Variants in PDZD7 observed in about 807,000 individuals in gnomAD.
PDZD7 encodes the protein PDZ domain-containing protein 7.
PDZD7 carries 72 observed loss-of-function variants against 84.7 expected under a neutral mutation model. The ratio of observed to expected loss-of-function variants is 0.85; its 90% confidence interval spans 0.70 to 1.03. The LOEUF (loss-of-function observed/expected upper bound fraction) is 1.03. PDZD7 is among the 50% of genes least tolerant of loss of function. The pLI is 0.00. For missense variants in PDZD7, 1,490 were observed against 1,412.9 expected (o/e 1.05, Z -0.87); for synonymous variants, 594 against 580.7 (o/e 1.02, Z -0.33).
intron 15 of PDZD7, among the ~76,000 whole-genome samples, chr10:101,009,597 GTC>G (rs1852322398): frequency 8.7e-6 from 1 of 114,916 alleles, no homozygotes; most frequent in Non-Finnish European, 1.8e-5. Flanking sequence ...TTGAGACAGA[GTC>G]TTTTTTTTTT....
Position 101,008,846 on chromosome 10 carries a change from C to T in PDZD7, c.2723G>A (p.Gly908Asp). The T allele has an allele frequency of 6.7e-7, 1 of 1,494,822 alleles. No individual in the cohort carries two copies. Among genetic ancestry groups the T allele is most frequent in the South Asian group, 1.3e-5 (1 of 77,400 alleles). The allele number at this position is 1,494,822 out of a possible 1,614,324, so 92.6% of individuals were successfully genotyped here. A position where few individuals can be genotyped will look rare whatever the true frequency, so the allele number is the denominator to read the frequency against. The change falls in exon 17 of 17, where the codon GGC (glycine) becomes GAC (aspartate). Residue 908 changes from glycine to aspartate, a missense_variant. Physicochemically the swap from Gly to Asp is moderately conservative, Grantham distance 94. Coordinates refer to ENST00000619208, the MANE Select transcript of PDZD7 (RefSeq NM_001195263.2). The part of the protein sequence containing the change: ...AAFLSGALQA[G>D]FELVAVDGEN... ...TCCGTCCACTGCCACAAGCTCGAAG[C>T]CAGCCTAGGGTGGGGTGAGAGAGTC... is the stretch of plus-strand genomic sequence containing the variant.
rs2133998697 is a variant in PDZD7, at chr10:101,010,541, C to CGGCTGA, written c.2347_2348insTCAGCC (p.Ser782_Arg783insLeuSer). ...AGACTTGCCTTGACCCCGGCTGCTG[C>CGGCTGA]GGCTGCGGCTGCGGCTACGGCTGCG... On this transcript the variant is annotated inframe_insertion, in exon 15 of 17. Coordinates refer to ENST00000619208, the MANE Select transcript of PDZD7 (RefSeq NM_001195263.2). 6.6e-7 allele frequency: 1 copy of CGGCTGA among 1,521,072 alleles called. No individual in the cohort carries two copies. Among genetic ancestry groups the CGGCTGA allele is most frequent in the Non-Finnish European group, 8.8e-7 (1 of 1,134,868 alleles). 94.2% of individuals were successfully genotyped at this position (1,521,072 alleles called of 1,614,324 possible).
At chr10:101,017,842 A>AAG (rs1852729756) in intron 9 of PDZD7, 1 of 273,084 alleles carries the variant, frequency 3.7e-6, no homozygotes, top group African/African-American at 5.3e-5. Flanking sequence ...AAGGAAGGAA[A>AAG]GAAAGAAAGA....
chr10:101,008,192 C>A lies in PDZD7; in HGVS notation c.*275G>T. 1 of 490,452 alleles carries A rather than the reference C, an allele frequency of 2.0e-6. No homozygotes were observed. The highest frequency in any genetic ancestry group is 3.6e-6 in the Non-Finnish European group (1 of 278,904). The allele number at this position is 490,452 out of a possible 1,614,324, so 30.4% of individuals were successfully genotyped here. On this transcript the variant is annotated 3_prime_UTR_variant, in exon 17 of 17. Transcript: ENST00000619208. ...TGCCCACCAATCCCAAGCTCCAGAC[C>A]TTGGCTTTCTCACCCCCTATCCTGG...
In PDZD7 at chr10:101,018,883, C is replaced by T; in HGVS notation, c.1263G>A (p.Leu421=). ...ALSESPKTAL[L]LALSRPRPPI... is the part of the protein sequence containing the mutation. ...GGGGCCGGGGTCGGCTGAGGGCCAG[C>T]AGCAAAGCCGTCTTGGGAGACTCAG... is the stretch of plus-strand genomic sequence containing the variant. The change falls in exon 8 of 17, where the codon CTG becomes CTA. Residue 421 remains leucine, a synonymous_variant. Coordinates refer to ENST00000619208, the MANE Select transcript of PDZD7 (RefSeq NM_001195263.2). The T allele has an allele frequency of 6.2e-7, 1 of 1,604,874 alleles. No individual in the cohort carries two copies. The highest frequency in any genetic ancestry group is 8.5e-7 in the Non-Finnish European group (1 of 1,176,110).
intron 4 of PDZD7, 122 bp downstream of exon 4, chr10:101,023,314 G>T: frequency 8.3e-7 from 1 of 1,208,814 alleles, no homozygotes; most frequent in Non-Finnish European, 1.2e-6. Context: ...TGGATCCCCT[G>T]CGTTTCCTGA....
At position 101,007,796 on chromosome 10, in the gene PDZD7, C is replaced by T. The variant is rs1248445708; in HGVS notation, c.*671G>A. 1 of 407,674 alleles carries T rather than the reference C, an allele frequency of 2.5e-6. No homozygotes were observed. The highest frequency in any genetic ancestry group is 1.6e-4 in the East Asian group (1 of 6,082). 25.3% of individuals were successfully genotyped at this position (407,674 alleles called of 1,614,324 possible). A position where few individuals can be genotyped will look rare whatever the true frequency, so the allele number is the denominator to read the frequency against. On this transcript the variant is annotated 3_prime_UTR_variant, in exon 17 of 17. Coordinates refer to ENST00000619208, the MANE Select transcript of PDZD7 (RefSeq NM_001195263.2). ...CACACTGTAAATTTCTTGTACAAACCCAAAGAAAAAATTAAAAAAAATTTT... is the reference window on the plus strand; with the variant it reads ...CACACTGTAAATTTCTTGTACAAACTCAAAGAAAAAATTAAAAAAAATTTT...
In PDZD7 at chr10:101,012,171, T is replaced by G; in HGVS notation, c.1837A>C (p.Ile613Leu). ...CTCTCTGCAACCTCCTCCCACCTGATGTCCTGCAGCAGTAGCAGCTTCTCC... is the reference window on the plus strand; with the variant it reads ...CTCTCTGCAACCTCCTCCCACCTGAGGTCCTGCAGCAGTAGCAGCTTCTCC... ...RPEKLLLLQD[I>L]RSVVAPTDLG... The change falls in exon 12 of 17, where the codon ATC becomes CTC. Residue 613 changes from isoleucine (I) to leucine (L), a missense_variant. Physicochemically the swap from Ile to Leu is conservative, Grantham distance 5 (BLOSUM62 2). Transcript: ENST00000619208. 6.4e-7 allele frequency: 1 copy of G among 1,550,490 alleles called. No homozygotes were observed. The highest frequency in any genetic ancestry group is 2.4e-5 in the East Asian group (1 of 40,924).
intron 11 of PDZD7, among the ~76,000 whole-genome samples, chr10:101,014,153 C>G (rs1852503841): frequency 1.3e-5 from 2 of 152,032 alleles, no homozygotes; most frequent in Admixed American, 1.3e-4. Context: ...GCCACCGTGC[C>G]TGGCCAACCA....
rs980317907 is a variant in PDZD7 at position 101,020,710 on chromosome 10, G to C, written c.868-32C>G. 3.8e-6 allele frequency: 6 copies of C among 1,570,412 alleles called. No homozygotes were observed. The African/African-American group carries it at 6.8e-5, about 18-fold the overall frequency. On this transcript the variant is annotated intron_variant, in intron 6 of 16. Coordinates refer to ENST00000619208, the MANE Select transcript of PDZD7 (RefSeq NM_001195263.2). ...AGGGGATGGTGGGCATAGGAGGGAA[G>C]GGGGAGCAGTGAGGAGGGAGAGTGA...
chr10:101,025,539 T>TTTAC (rs1217622768), intron 2 of PDZD7, among the ~76,000 whole-genome samples: 10 of 148,918 alleles, frequency 6.7e-5, no homozygotes, highest in African/African-American at 2.5e-4. Flanking sequence ...TATTTATTTA[T>TTTAC]TTATTTATTT....
intron 15 of PDZD7, among the ~76,000 whole-genome samples, 200 bp from the exon 16 acceptor site, chr10:101,009,550 C>T (rs1170510651): frequency 6.6e-6 from 1 of 151,914 alleles, no homozygotes; most frequent in Non-Finnish European, 1.5e-5. Context: ...CCCAACTGCA[C>T]CCCAATACCC....
At chr10:101,028,703 A>T (rs1278357209) in intron 2 of PDZD7, among the ~76,000 whole-genome samples, 5 of 152,132 alleles carry the variant, frequency 3.3e-5, no homozygotes, top group Non-Finnish European at 7.4e-5. Flanking sequence ...GAGGGAGTAT[A>T]GCATAGTTCT....
rs551067965 is a variant in PDZD7 at position 101,010,709 on chromosome 10, G to C, written c.2180C>G (p.Pro727Arg). ...AGGGGGTGTGCAGGCAATTCGGAGG[G>C]GGGTGAAGGCATCTACTGGCACGTC... is the stretch of plus-strand genomic sequence containing the variant. The part of the protein sequence containing the change: ...LQDVPVDAFT[P>R]LRIACTPPPQ... The change falls in exon 15 of 17, where the codon CCC becomes CGC. Residue 727 changes from proline (P) to arginine (R), a missense_variant. Transcript: ENST00000619208. 1.1e-5 allele frequency: 15 copies of C among 1,356,456 alleles called. No homozygotes were observed. The Admixed American group carries it at 2.4e-4, about 22-fold the overall frequency. The allele number at this position is 1,356,456 out of a possible 1,614,324, so 84.0% of individuals were successfully genotyped here. A position where few individuals can be genotyped will look rare whatever the true frequency, so the allele number is the denominator to read the frequency against.
chr10:101,018,256 AGGGGACCCCGACT>A lies in PDZD7; in HGVS notation c.1352_1364del (p.Lys451MetfsTer13). On this transcript the variant is annotated frameshift_variant, in exon 9 of 17. Transcript: ENST00000619208. LOFTEE classifies it high-confidence loss of function. ...AGCGCTGCAGGGCACCCTTCTCCCCAGGGGACCCCGACTTCTCCTTCTTCCGCTGCTGCTTCTC... is the reference window on the plus strand; with the variant it reads ...AGCGCTGCAGGGCACCCTTCTCCCCATCTCCTTCTTCCGCTGCTGCTTCTC... 1 of 1,613,960 alleles carries A rather than the reference AGGGGACCCCGACT, an allele frequency of 6.2e-7. No individual in the cohort carries two copies. Among genetic ancestry groups the A allele is most frequent in the Non-Finnish European group, 8.5e-7 (1 of 1,180,008 alleles).
chr10:101,020,588 C>T, intron 7 of PDZD7, 30 bp downstream of exon 7: 3 of 1,556,928 alleles, frequency 1.9e-6, no homozygotes, highest in South Asian at 1.1e-5. Context: ...AGCCCTTTCC[C>T]TCCAACCTTG....
At chr10:101,011,795 T>C (rs765969436) in intron 13 of PDZD7, 34 bp from the exon 14 acceptor site, 1 of 1,550,360 alleles carries the variant, frequency 6.5e-7, no homozygotes, top group East Asian at 2.4e-5. Context: ...AGCGGCAAGG[T>C]ACCCCGCCAG....
intron 2 of PDZD7, among the ~76,000 whole-genome samples, chr10:101,026,005 C>G (rs763912961): frequency 6.6e-6 from 1 of 152,166 alleles, no homozygotes; most frequent in Non-Finnish European, 1.5e-5. Flanking sequence ...TAGGAACTAC[C>G]TGGCTACAAA....
rs192163128 is a variant in PDZD7 at position 101,011,143 on chromosome 10, C to T, written c.2006-260G>A. The T allele has an allele frequency of 5.1e-4, 547 of 1,074,606 alleles. 3 individuals are homozygous for T. In the African/African-American group the frequency reaches 5.4e-3, roughly 11 times the overall value. The allele number at this position is 1,074,606 out of a possible 1,614,324, so 66.6% of individuals were successfully genotyped here. On this transcript the variant is annotated intron_variant, in intron 14 of 16. Transcript: ENST00000619208. ...GCAACCTCCACCTCCCAGGTTCAAG[C>T]GAGTCTCCTGCCTCAGCCTCCCGGA... is the stretch of plus-strand genomic sequence containing the variant.
Sources: allele counts gnomAD v4.1 joint callset (sites outside exome capture counted in the v4.1 genomes callset), GRCh38; gene constraint gnomAD v4.1.1; transcripts MANE v1.5; gene names NCBI Gene and HGNC (gene_info 2026-07-23, HGNC 2026-07-21).